Variants in ITGB6 observed in about 807,000 individuals in gnomAD.
The protein encoded by ITGB6 is integrin subunit beta 6.
A neutral mutation model predicts 84.5 loss-of-function variants in ITGB6; 80 were observed. The observed-to-expected ratio is 0.95, with a 90% CI of 0.79 to 1.14. ITGB6 has a LOEUF of 1.14. ITGB6 is among the 50% of genes most tolerant of loss of function. The pLI is 0.00. For synonymous variants in ITGB6, 383 were observed against 354.9 expected (o/e 1.08, Z -0.89); for missense variants, 1,006 against 968.0 (o/e 1.04, Z -0.52).
At chr2:160,123,402 T>C (rs548056797) in intron 12 of ITGB6, among the ~76,000 whole-genome samples, 1 of 152,310 alleles carries the variant, frequency 6.6e-6, no homozygotes, top group Admixed American at 6.5e-5. Context: ...TGGCTTTATC[T>C]TATCTTGAAA....
At chr2:160,145,023 T>G (rs1684137232) in intron 7 of ITGB6, among the ~76,000 whole-genome samples, 1 of 152,232 alleles carries the variant, frequency 6.6e-6, no homozygotes, top group South Asian at 2.1e-4. Flanking sequence ...TGTCAAAATT[T>G]ATACTTTAAA....
chr2:160,177,083 T>C (rs1685446501), intron 4 of ITGB6, among the ~76,000 whole-genome samples: 2 of 152,324 alleles, frequency 1.3e-5, no homozygotes, highest in East Asian at 1.9e-4. Context: ...GTGTATGGCA[T>C]GGCATCATTG....
At chr2:160,141,054 C>A (rs375214235) in intron 8 of ITGB6, among the ~76,000 whole-genome samples, 6 of 151,860 alleles carry the variant, frequency 4.0e-5, no homozygotes, top group African/African-American at 1.2e-4. Flanking sequence ...TAAATGTTGG[C>A]GTATATTACA....
chr2:160,128,729 G>A (rs142660911), intron 10 of ITGB6, among the ~76,000 whole-genome samples: 2 of 152,262 alleles, frequency 1.3e-5, no homozygotes, highest in East Asian at 3.9e-4. Flanking sequence ...GGATGATGTG[G>A]CTTTTCACTG....
At chr2:160,133,841 T>C (rs1454091850) in intron 10 of ITGB6, among the ~76,000 whole-genome samples, 1 of 151,826 alleles carries the variant, frequency 6.6e-6, no homozygotes, top group Non-Finnish European at 1.5e-5. Flanking sequence ...GACATAAAGG[T>C]GTTCTTTGAA....
At chr2:160,171,675 C>T (rs1287479228) in intron 6 of ITGB6, among the ~76,000 whole-genome samples, 1 of 152,168 alleles carries the variant, frequency 6.6e-6, no homozygotes, top group Non-Finnish European at 1.5e-5. Context: ...GTTATAGGCA[C>T]TGTGCTATCA....
chr2:160,140,316 T>A (rs756692637), intron 8 of ITGB6, among the ~76,000 whole-genome samples: 4 of 152,228 alleles, frequency 2.6e-5, no homozygotes, highest in Non-Finnish European at 5.9e-5. Context: ...GAAGATTTAA[T>A]TCAAATGTTT....
intron 4 of ITGB6, among the ~76,000 whole-genome samples, chr2:160,181,982 C>T (rs180900678): frequency 1.2e-4 from 18 of 152,204 alleles, no homozygotes; most frequent in East Asian, 1.2e-3. Context: ...AAACCCCATC[C>T]GAAGGTTACC....
chr2:160,159,053 C>A (rs554208424), intron 7 of ITGB6, among the ~76,000 whole-genome samples: 1 of 150,852 alleles, frequency 6.6e-6, no homozygotes, highest in East Asian at 1.9e-4. Context: ...GAGCTGAGAT[C>A]GCACCACTAC....
chr2:160,160,346 T>C (rs1001388885), intron 7 of ITGB6, among the ~76,000 whole-genome samples: 1 of 152,218 alleles, frequency 6.6e-6, no homozygotes, highest in Non-Finnish European at 1.5e-5. Context: ...GTTGCTTACT[T>C]GACATTCGAA....
chr2:160,173,954 C>T lies in ITGB6; in HGVS notation c.759+20G>A, dbSNP rs1433266065. ...TGAATTTTATGTTAACAGAGTGAAA[C>T]AGCACTCCCTTCAGCATACCTTACA... On this transcript the variant is annotated intron_variant, in intron 5 of 14. Transcript: ENST00000283249. The T allele has an allele frequency of 1.3e-6, 2 of 1,591,966 alleles. No homozygotes were observed. The highest frequency in any genetic ancestry group is 1.7e-4 in the Middle Eastern group (1 of 6,056).
intron 4 of ITGB6, among the ~76,000 whole-genome samples, chr2:160,192,764 T>C (rs975891724): frequency 1.3e-5 from 2 of 152,060 alleles, no homozygotes; most frequent in African/African-American, 4.8e-5. Flanking sequence ...GTATCCAGCA[T>C]ATATAAAGTA....
intron 4 of ITGB6, among the ~76,000 whole-genome samples, chr2:160,190,991 A>G (rs536516994): frequency 1.3e-5 from 2 of 152,268 alleles, no homozygotes; most frequent in South Asian, 4.1e-4. Context: ...CTCTCTATGG[A>G]AGCTTATTGT....
chr2:160,168,193 A>G (rs1685077961), intron 7 of ITGB6, among the ~76,000 whole-genome samples: 1 of 152,170 alleles, frequency 6.6e-6, no homozygotes, highest in Non-Finnish European at 1.5e-5. Context: ...CCCTCCTCTC[A>G]TTCAAAATGC....
At chr2:160,173,312 A>T (rs1386850621) in intron 5 of ITGB6, among the ~76,000 whole-genome samples, 1 of 152,210 alleles carries the variant, frequency 6.6e-6, no homozygotes, top group Non-Finnish European at 1.5e-5. Context: ...CCCTTTAATT[A>T]ATATTAGTCC....
At position 160,137,830 on chromosome 2, in the gene ITGB6, TCA is replaced by T. The variant is rs1559138313; in HGVS notation, c.1262_1263del (p.Val421GlufsTer70). The T allele has an allele frequency of 6.2e-7, 1 of 1,614,016 alleles. No individual in the cohort carries two copies. The highest frequency in any genetic ancestry group is 1.7e-5 in the Admixed American group (1 of 60,022). ...VGDTASFSVTVNIPHCERRSR... is the reference protein window; with the variant it reads ...VGDTASFSVTXNIPHCERRSR... Reference sequence around the variant, plus strand: ...CTTCTTCTCTCGCAGTGTGGGATATTCACAGTCACGCTGAAGGAAGCCTGGAA... The same window carrying T: ...CTTCTTCTCTCGCAGTGTGGGATATTCAGTCACGCTGAAGGAAGCCTGGAA... On this transcript the variant is annotated frameshift_variant, in exon 10 of 15. Transcript: ENST00000283249. LOFTEE classifies it high-confidence loss of function.
At chr2:160,135,425 C>T (rs1452651585) in intron 10 of ITGB6, among the ~76,000 whole-genome samples, 2 of 149,474 alleles carry the variant, frequency 1.3e-5, no homozygotes, top group Non-Finnish European at 3.0e-5. Flanking sequence ...AATGGAAGAA[C>T]ATTCCATGCT....
At chr2:160,125,554 C>T (rs1399094040) in intron 11 of ITGB6, among the ~76,000 whole-genome samples, 5 of 152,328 alleles carry the variant, frequency 3.3e-5, no homozygotes, top group Admixed American at 2.6e-4. Flanking sequence ...GAAGTTTTGA[C>T]ACCTGAATGG....
chr2:160,172,164 ACC>A (rs1047386083), intron 6 of ITGB6, among the ~76,000 whole-genome samples: 2 of 152,356 alleles, frequency 1.3e-5, no homozygotes, highest in Middle Eastern at 3.4e-3. Context: ...ACTAGTTGTT[ACC>A]CATGGAACAT....
Sources: allele counts gnomAD v4.1 joint callset (sites outside exome capture counted in the v4.1 genomes callset), GRCh38; gene constraint gnomAD v4.1.1; transcripts MANE v1.5; gene names NCBI Gene and HGNC (gene_info 2026-07-23, HGNC 2026-07-21).